The following NSD3 variants were observed in gnomAD, a reference collection of about 807,000 sequenced individuals.
The protein encoded by NSD3 is nuclear receptor binding SET domain protein 3.
In NSD3, 24 loss-of-function variants were observed where a neutral mutation model predicts 160.8. The observed-to-expected ratio is 0.15, with a 90% CI of 0.11 to 0.21. The LOEUF is 0.21. NSD3 is among the 10% of genes least tolerant of loss of function. The pLI, the probability that NSD3 is intolerant of heterozygous loss-of-function variation, is 1.00. For missense variants in NSD3, 1,157 were observed against 1,735.9 expected (o/e 0.67, Z 5.93); for synonymous variants, 520 against 600.0 (o/e 0.87, Z 1.95).
chr8:38,299,861 C>A (rs1809240468), intron 14 of NSD3: 1 of 288,936 alleles, frequency 3.5e-6, no homozygotes, highest in South Asian at 1.6e-4. Flanking sequence ...AAACACTTGA[C>A]ATCATACAGA....
chr8:38,315,438 C>A lies in NSD3; in HGVS notation c.2093G>T (p.Ser698Ile). ...SSLSRRGTGM[S>I]KKDTVCQICE... ...TACCTGACATACAGTGTCCTTCTTA[C>A]TCATTCCAGTGCCTCTTCTCGACAA... Residue 698 changes from serine to isoleucine, a missense_variant, in exon 11 of 24, where the codon AGT (serine) becomes ATT (isoleucine). Ser to Ile is a moderately radical substitution (Grantham distance 142). Coordinates refer to ENST00000317025, the MANE Select transcript of NSD3 (RefSeq NM_023034.2). The A allele has an allele frequency of 6.3e-7, 1 of 1,597,090 alleles. No homozygotes were observed.
intron 12 of NSD3, among the ~76,000 whole-genome samples, chr8:38,310,005 CAT>C (rs1384027017): frequency 3.3e-5 from 5 of 152,110 alleles, no homozygotes; most frequent in Non-Finnish European, 7.4e-5. Flanking sequence ...ATTTTCATGT[CAT>C]TAATTAAAAG....
chr8:38,331,251 T>A (rs2150376036), intron 5 of NSD3, among the ~76,000 whole-genome samples, 180 bp downstream of exon 5: 1 of 152,310 alleles, frequency 6.6e-6, no homozygotes, highest in African/African-American at 2.4e-5. Context: ...TTATATGACA[T>A]ATAAAACTCA....
At chr8:38,364,170 A>AG (rs924845957) in intron 1 of NSD3, among the ~76,000 whole-genome samples, 11 of 152,024 alleles carry the variant, frequency 7.2e-5, no homozygotes, top group Non-Finnish European at 1.0e-4. Context: ...CCAGCTACTC[A>AG]GGGGGCTGAG....
rs187417000 is a variant in NSD3, at chr8:38,360,141, G to A, written c.-44-11926C>T. 2.3e-3 allele frequency among the ~76,000 whole-genome samples: 348 copies of A among 152,072 alleles called. 3 individuals are homozygous for A. Among genetic ancestry groups the A allele is most frequent in the Middle Eastern group, 3.4e-3 (1 of 294 alleles). ...CTCCCAAGTAGCTGGGACTATGGGCGTGCACCACCATGCCTGGCTAATTTT... is the reference window on the plus strand; with the variant it reads ...CTCCCAAGTAGCTGGGACTATGGGCATGCACCACCATGCCTGGCTAATTTT... On this transcript the variant is annotated intron_variant, in intron 1 of 23. Transcript: ENST00000317025.
intron 12 of NSD3, among the ~76,000 whole-genome samples, chr8:38,306,505 A>T (rs1235454691): frequency 2.0e-5 from 3 of 152,152 alleles, no homozygotes; most frequent in Non-Finnish European, 2.9e-5. Flanking sequence ...TGAAAAAACT[A>T]AACAGGAAAA....
At chr8:38,347,419 T>G (rs994855706) in intron 2 of NSD3, 78 bp downstream of exon 2, 1 of 1,482,062 alleles carries the variant, frequency 6.7e-7, no homozygotes, top group African/African-American at 1.4e-5. Flanking sequence ...TTTAAAGAGA[T>G]AAAAACCAAA....
rs765154885 is a variant in NSD3 at position 38,304,755 on chromosome 8, G to A, written c.2443C>T (p.Arg815Cys). 21 of 1,603,550 alleles carry A rather than the reference G, an allele frequency of 1.3e-5. No homozygotes were observed. In the Middle Eastern group the frequency reaches 6.6e-4, roughly 51 times the overall value. ...EKDIHKASKGRMMRCLRCPVA... is the reference protein window; with the variant it reads ...EKDIHKASKGCMMRCLRCPVA... ...GGACATCTTAAACATCTCATCATGC[G>A]GCCTGTTTAAAGACAAGTCAAAAAG... Residue 815 changes from arginine to cysteine, a missense_variant and splice_region_variant, in exon 14 of 24, where the codon CGC (arginine) becomes TGC (cysteine). Transcript: ENST00000317025.
chr8:38,323,687 A>G (rs1585886545), intron 7 of NSD3, among the ~76,000 whole-genome samples: 1 of 151,818 alleles, frequency 6.6e-6, no homozygotes, highest in East Asian at 1.9e-4. Context: ...TTAGCCAAGC[A>G]TGGTGGCAGG....
At chr8:38,291,073 T>C (rs957215053) in intron 16 of NSD3, among the ~76,000 whole-genome samples, 2 of 152,166 alleles carry the variant, frequency 1.3e-5, no homozygotes, top group African/African-American at 4.8e-5. Flanking sequence ...TAGTAGTCAA[T>C]GGAATCATTT....
At chr8:38,276,147 G>T in intron 23 of NSD3, 149 bp downstream of exon 23, 3 of 938,524 alleles carry the variant, frequency 3.2e-6, no homozygotes, top group African/African-American at 1.7e-5. Flanking sequence ...TATCCCAAAT[G>T]TGTAAGGGGA....
intron 7 of NSD3, among the ~76,000 whole-genome samples, chr8:38,326,367 CA>C (rs374681353): frequency 7.2e-5 from 11 of 152,174 alleles, no homozygotes; most frequent in African/African-American, 2.4e-4. Flanking sequence ...TTGTTTCCAA[CA>C]GGGGTAAAGG....
At position 38,382,093 on chromosome 8, in the gene NSD3, C is replaced by T. The variant is rs1394899807; in HGVS notation, c.-339G>A. 6.5e-6 allele frequency: 1 copy of T among 152,748 alleles called. No individual in the cohort carries two copies. The highest frequency in any genetic ancestry group is 1.5e-5 in the Non-Finnish European group (1 of 68,158). The allele number at this position is 152,748 out of a possible 1,614,324, so 9.5% of individuals were successfully genotyped here. A position where few individuals can be genotyped will look rare whatever the true frequency, so the allele number is the denominator to read the frequency against. On this transcript the variant is annotated 5_prime_UTR_variant, in exon 1 of 24. Coordinates refer to ENST00000317025, the MANE Select transcript of NSD3 (RefSeq NM_023034.2). This position sits in a 1 kb window ranked among gnomAD's most constrained non-coding sequence, Gnocchi z 4.2. ...GGCCGAGGGACGGGGGTCGCCGCGCCGCCGCTGCTGCCAGAGAGGAGCCTG... is the reference window on the plus strand; with the variant it reads ...GGCCGAGGGACGGGGGTCGCCGCGCTGCCGCTGCTGCCAGAGAGGAGCCTG...
intron 6 of NSD3, among the ~76,000 whole-genome samples, chr8:38,328,460 T>C (rs1478466941): frequency 3.3e-5 from 5 of 152,310 alleles, no homozygotes; most frequent in East Asian, 1.9e-4. Context: ...ATTCAAGTTT[T>C]TGCAGGTAGC....
intron 1 of NSD3, among the ~76,000 whole-genome samples, chr8:38,354,102 C>G (rs1219994518): frequency 6.6e-6 from 1 of 152,178 alleles, no homozygotes; most frequent in Non-Finnish European, 1.5e-5. Flanking sequence ...CTCAGGCTCA[C>G]AGGTGATTGA....
intron 1 of NSD3, among the ~76,000 whole-genome samples, chr8:38,350,452 T>C (rs1318932663): frequency 1.3e-5 from 2 of 152,234 alleles, no homozygotes; most frequent in South Asian, 2.1e-4. Context: ...ATGAGCATTT[T>C]TTCGTGTGTC....
chr8:38,347,908 T>C lies in NSD3; in HGVS notation c.264A>G (p.Ser88=). ...SVYETQTKYQ[S]YNQYPNGSAN... is the part of the protein sequence containing the mutation. ...CTGACCCATTAGGATACTGATTATA[T>C]GACTGGTATTTGGTTTGAGTTTCAT... Residue 88 remains serine (S), a synonymous_variant, in exon 2 of 24, where the codon TCA becomes TCG. Transcript: ENST00000317025. 1 of 1,614,238 alleles carries C rather than the reference T, an allele frequency of 6.2e-7. No individual in the cohort carries two copies. Among genetic ancestry groups the C allele is most frequent in the South Asian group, 1.1e-5 (1 of 91,088 alleles).
At chr8:38,345,120 G>T (rs780330178) in intron 2 of NSD3, among the ~76,000 whole-genome samples, 1 of 152,056 alleles carries the variant, frequency 6.6e-6, no homozygotes, top group Non-Finnish European at 1.5e-5. Context: ...AACTGCCCCC[G>T]TGTGTGATAC....
intron 17 of NSD3, among the ~76,000 whole-genome samples, 172 bp from the exon 18 acceptor site, chr8:38,289,677 G>A (rs140750521): frequency 6.6e-5 from 10 of 152,298 alleles, no homozygotes; most frequent in African/African-American, 2.2e-4. Flanking sequence ...CAAAGAAATA[G>A]GATATAACTC....
Sources: gnomAD v4.1 joint callset for allele counts (sites outside exome capture counted in the v4.1 genomes callset) on GRCh38, gnomAD v4.1.1 for gene constraint, Gnocchi (gnomAD v3.1) non-coding constraint, MANE v1.5 for transcripts, NCBI Gene and HGNC (gene_info 2026-07-23, HGNC 2026-07-21) for gene names.